FRMD3: variants seen among roughly 807,000 people sequenced by gnomAD.
FRMD3 encodes FERM domain containing 3.
FRMD3 carries 33 observed loss-of-function variants against 70.2 expected under a neutral mutation model. That is an observed-to-expected ratio of 0.47 (90% confidence interval 0.36 to 0.63). FRMD3 has a LOEUF of 0.63. FRMD3 is among the 20% of genes least tolerant of loss of function. The pLI is 0.00. For missense variants in FRMD3, 632 were observed against 711.4 expected (o/e 0.89, Z 1.27); for synonymous variants, 279 against 255.9 (o/e 1.09, Z -0.86).
At chr9:83,347,647 C>T (rs1824006539) in intron 4 of FRMD3, among the ~76,000 whole-genome samples, 1 of 152,134 alleles carries the variant, frequency 6.6e-6, no homozygotes, top group Non-Finnish European at 1.5e-5. Context: ...TTTTTCTTAA[C>T]ATTTCTTTAC....
the FRMD3 span, among the ~76,000 whole-genome samples, chr9:83,565,387 A>G: frequency 1.3e-5 from 2 of 152,184 alleles, no homozygotes; most frequent in South Asian, 4.1e-4. Flanking sequence ...GTTTCAGAAT[A>G]AGACTGTGAA....
chr9:83,491,346 A>G (rs764019471), intron 1 of FRMD3, among the ~76,000 whole-genome samples: 2 of 152,296 alleles, frequency 1.3e-5, no homozygotes, highest in South Asian at 4.1e-4. Flanking sequence ...CAATATAAAA[A>G]CAGTGCTTGC....
rs112118843 is a variant in FRMD3 at position 83,322,091 on chromosome 9, C to A, written c.597-8344G>T. Among the ~76,000 whole-genome samples the A allele has an allele frequency of 7.5e-3, 1,134 of 152,186 alleles. 4 individuals carry two copies. The highest frequency in any genetic ancestry group is 0.021 in the Middle Eastern group (6 of 292). On this transcript the variant is annotated intron_variant, in intron 6 of 13. Transcript: ENST00000304195. Reference sequence around the variant, plus strand: ...AAACTCTCTAAAATGACACCTAAGACTTATGACCAGGGAGACCAGGGCCCT... The same window carrying A: ...AAACTCTCTAAAATGACACCTAAGAATTATGACCAGGGAGACCAGGGCCCT...
the FRMD3 span, among the ~76,000 whole-genome samples, chr9:83,569,672 G>A: frequency 2.0e-5 from 3 of 152,348 alleles, no homozygotes; most frequent in East Asian, 5.8e-4. Context: ...TTTCATCCAT[G>A]CTGTTGCAGA....
intron 1 of FRMD3, among the ~76,000 whole-genome samples, chr9:83,436,792 A>C (rs1032867878): frequency 1.3e-5 from 2 of 151,674 alleles, no homozygotes; most frequent in Non-Finnish European, 2.9e-5. Context: ...AAAAAAAAAA[A>C]AAAAAAAAAC....
intron 1 of FRMD3, among the ~76,000 whole-genome samples, chr9:83,425,242 T>C (rs925502391): frequency 3.3e-5 from 5 of 152,210 alleles, no homozygotes; most frequent in African/African-American, 1.2e-4. Flanking sequence ...TCCTAGATTA[T>C]AGAATAACCA....
chr9:83,295,870 CAAT>C (rs889783246), intron 12 of FRMD3, among the ~76,000 whole-genome samples: 3 of 152,176 alleles, frequency 2.0e-5, no homozygotes, highest in African/African-American at 7.2e-5. Flanking sequence ...ATCTTGTCAT[CAAT>C]GATGATCAGC....
intron 1 of FRMD3, among the ~76,000 whole-genome samples, chr9:83,454,925 T>C (rs1827775723): frequency 6.6e-6 from 1 of 151,906 alleles, no homozygotes; most frequent in Non-Finnish European, 1.5e-5. Flanking sequence ...CATGCCACCA[T>C]ACTCAGGCTT....
Position 83,538,043 on chromosome 9 carries a change from TC to T in FRMD3, c.147+41del. 1 of 1,600,494 alleles carries T rather than the reference TC, an allele frequency of 6.2e-7. No individual in the cohort carries two copies. The highest frequency in any genetic ancestry group is 8.5e-7 in the Non-Finnish European group (1 of 1,171,770). On this transcript the variant is annotated intron_variant, in intron 1 of 13. Coordinates refer to ENST00000304195, the MANE Select transcript of FRMD3 (RefSeq NM_174938.6). The surrounding 1 kb of genome is among the most constrained non-coding windows in gnomAD (Gnocchi z 4.7). ...CCACCGCAAAGGCCCCCCGCCCTGC[TC>T]CCGGCGTGTGCCCCGCGCCCTCGCC...
At chr9:83,575,813 C>T in the FRMD3 span, among the ~76,000 whole-genome samples, 1 of 152,104 alleles carries the variant, frequency 6.6e-6, no homozygotes, top group Non-Finnish European at 1.5e-5. Flanking sequence ...TGATGAATTC[C>T]TTCAAATGTT....
chr9:83,267,400 A>G, intron 13 of FRMD3: 1 of 988,618 alleles, frequency 1.0e-6, no homozygotes, highest in Non-Finnish European at 1.3e-6. Context: ...TAGCCTTTCT[A>G]AACCTTCCGG....
intron 3 of FRMD3, among the ~76,000 whole-genome samples, chr9:83,365,821 T>G (rs1442694641): frequency 6.6e-6 from 1 of 152,230 alleles, no homozygotes; most frequent in Non-Finnish European, 1.5e-5. Context: ...CAAGTTTCCC[T>G]GAGGCTGAGC....
At chr9:83,320,146 T>C (rs1282577600) in intron 6 of FRMD3, among the ~76,000 whole-genome samples, 1 of 152,216 alleles carries the variant, frequency 6.6e-6, no homozygotes, top group Non-Finnish European at 1.5e-5. Flanking sequence ...GATGTCTTTT[T>C]TTTTCTCTAG....
At chr9:83,542,109 A>G (rs979576572), upstream of FRMD3, among the ~76,000 whole-genome samples, 2 of 152,124 alleles carry the variant, frequency 1.3e-5, no homozygotes, top group African/African-American at 2.4e-5. Context: ...TTGAGGCATT[A>G]GAATGTCAGC....
At chr9:83,376,470 T>C (rs543196286) in intron 2 of FRMD3, among the ~76,000 whole-genome samples, 1 of 152,302 alleles carries the variant, frequency 6.6e-6, no homozygotes, top group Non-Finnish European at 1.5e-5. Flanking sequence ...CTGAAAAATT[T>C]ATCATTATAC....
At chr9:83,408,804 C>T (rs147101968) in intron 1 of FRMD3, among the ~76,000 whole-genome samples, 7 of 152,288 alleles carry the variant, frequency 4.6e-5, no homozygotes, top group East Asian at 1.9e-4. Context: ...CAGGCACCCT[C>T]GGACACAATC....
At chr9:83,267,143 G>A (rs1368111471) in intron 13 of FRMD3, 1 of 1,550,626 alleles carries the variant, frequency 6.4e-7, no homozygotes, top group Non-Finnish European at 8.7e-7. Flanking sequence ...TGCCATACTG[G>A]TTATTCCAAT....
chr9:83,409,958 T>C (rs1255629420), intron 1 of FRMD3, among the ~76,000 whole-genome samples: 2 of 152,208 alleles, frequency 1.3e-5, no homozygotes, highest in Non-Finnish European at 2.9e-5. Context: ...GATGGACAGA[T>C]ACATGCATGC....
intron 1 of FRMD3, among the ~76,000 whole-genome samples, chr9:83,458,427 CA>C (rs369340173): frequency 6.6e-5 from 10 of 152,208 alleles, no homozygotes; most frequent in African/African-American, 2.4e-4. Flanking sequence ...AGGGATGAGA[CA>C]AAACAATCTG....
Sources: gnomAD v4.1 joint callset for allele counts (sites outside exome capture counted in the v4.1 genomes callset) on GRCh38, gnomAD v4.1.1 for gene constraint, Gnocchi (gnomAD v3.1) non-coding constraint, MANE v1.5 for transcripts, NCBI Gene and HGNC (gene_info 2026-07-23, HGNC 2026-07-21) for gene names.